The following CHST9 variants were observed in gnomAD, a reference collection of about 807,000 sequenced individuals.
CHST9 encodes the protein carbohydrate sulfotransferase 9.
In CHST9, 41 loss-of-function variants were observed where a neutral mutation model predicts 44.4. The observed-to-expected ratio is 0.92, with a 90% confidence interval of 0.72 to 1.20. CHST9 has a LOEUF of 1.20. Among genes scored for constraint, CHST9 ranks in the 50% most tolerant of loss-of-function variants. The pLI is 0.00. For synonymous variants in CHST9, 171 were observed against 178.4 expected, an observed-to-expected ratio of 0.96 and a Z score of 0.33; for missense variants, 504 against 516.5, an observed-to-expected ratio of 0.98 and a Z score of 0.23.
chr18:27,083,450 T>G (rs1370658013), intron 2 of CHST9, among the ~76,000 whole-genome samples: 2 of 152,184 alleles, frequency 1.3e-5, no homozygotes, highest in African/African-American at 4.8e-5. Context: ...TCTGAACATG[T>G]CTTTTCATAA....
chr18:26,929,519 C>T (rs1019439702), intron 5 of CHST9, among the ~76,000 whole-genome samples: 2 of 152,146 alleles, frequency 1.3e-5, no homozygotes, highest in African/African-American at 4.8e-5. Context: ...CGCTGCTTTC[C>T]CAACTTCAGA....
intron 2 of CHST9, among the ~76,000 whole-genome samples, chr18:27,110,033 G>A (rs1378407212): frequency 6.6e-6 from 1 of 152,094 alleles, no homozygotes; most frequent in Non-Finnish European, 1.5e-5. Flanking sequence ...AAGGCAGATG[G>A]AGAAAGACAG....
intron 1 of CHST9, among the ~76,000 whole-genome samples, chr18:27,164,386 ATAAGT>A (rs1423281243): frequency 2.0e-5 from 3 of 151,720 alleles, no homozygotes; most frequent in East Asian, 1.9e-4. Flanking sequence ...GAGTTGGAAG[ATAAGT>A]TAAGGTGATT....
chr18:27,098,085 A>G (rs2058134971), intron 2 of CHST9, among the ~76,000 whole-genome samples: 1 of 152,086 alleles, frequency 6.6e-6, no homozygotes, highest in South Asian at 2.1e-4. Flanking sequence ...AATATCCAGA[A>G]TCTACATGGA....
At chr18:26,989,690 G>A (rs143702079) in intron 4 of CHST9, among the ~76,000 whole-genome samples, 98 of 152,340 alleles carry the variant, frequency 6.4e-4, no homozygotes, top group African/African-American at 2.1e-3. Context: ...TCGAGGCTGC[G>A]CCTGGTGGCT....
At chr18:26,997,134 A>G (rs1402219287) in intron 4 of CHST9, among the ~76,000 whole-genome samples, 1 of 152,228 alleles carries the variant, frequency 6.6e-6, no homozygotes, top group Non-Finnish European at 1.5e-5. Flanking sequence ...TTAAAAGGGA[A>G]TAACAGCAGA....
chr18:26,909,801 GGGAA>G lies in CHST9; in HGVS notation c.*6454_*6457del, dbSNP rs762435549. On this transcript the variant is annotated 3_prime_UTR_variant, in exon 6 of 6. Coordinates refer to ENST00000618847, the MANE Select transcript of CHST9 (RefSeq NM_031422.6). The stretch of plus-strand genomic sequence containing the variant: ...AGTAGGAGGAGGAGGAGGAAGAGGA[GGGAA>G]GAGGAGGAGGAGGAGGTTGTCAGAG... 350 of 152,812 alleles carry G rather than the reference GGGAA, an allele frequency of 2.3e-3. No homozygotes were observed. The highest frequency in any genetic ancestry group is 6.4e-3 in the South Asian group (31 of 4,842). The allele number at this position is 152,812 out of a possible 1,614,324, so 9.5% of individuals were successfully genotyped here.
At chr18:27,055,778 C>T (rs1055043028) in intron 2 of CHST9, among the ~76,000 whole-genome samples, 1 of 152,124 alleles carries the variant, frequency 6.6e-6, no homozygotes, top group Non-Finnish European at 1.5e-5. Context: ...TTTCTTCCTA[C>T]AGGAAATAGC....
At position 27,031,660 on chromosome 18, in the gene CHST9, G is replaced by A. The variant is rs1568141039; in HGVS notation, c.161-7503C>T. Reference sequence around the variant, plus strand: ...TTTCCTTTCACTGTTACAGGATCCAGTATAACTGCATTAAATACAATCTCT... The same window carrying A: ...TTTCCTTTCACTGTTACAGGATCCAATATAACTGCATTAAATACAATCTCT... On this transcript the variant is annotated intron_variant, in intron 3 of 5. Coordinates refer to ENST00000618847, the MANE Select transcript of CHST9 (RefSeq NM_031422.6). Among the ~76,000 whole-genome samples the A allele has an allele frequency of 2.0e-5, 3 of 152,152 alleles. No individual in the cohort carries two copies. In the East Asian group the frequency reaches 5.8e-4, roughly 29 times the overall value.
chr18:26,978,290 T>C (rs1289184419), intron 4 of CHST9, among the ~76,000 whole-genome samples: 1 of 151,836 alleles, frequency 6.6e-6, no homozygotes, highest in Non-Finnish European at 1.5e-5. Context: ...TGTGTATGTG[T>C]GTGTGTGTGT....
At chr18:27,100,272 A>C (rs968333994) in intron 2 of CHST9, among the ~76,000 whole-genome samples, 12 of 152,098 alleles carry the variant, frequency 7.9e-5, no homozygotes, top group African/African-American at 2.9e-4. Context: ...AGGAGGGAGG[A>C]TGGAGCCAAT....
intron 2 of CHST9, among the ~76,000 whole-genome samples, chr18:27,072,645 C>T (rs1315562686): frequency 1.3e-5 from 2 of 152,046 alleles, no homozygotes; most frequent in Non-Finnish European, 2.9e-5. Flanking sequence ...CTGATGAGAT[C>T]CAGAAAATCA....
chr18:27,153,248 A>G (rs1457344581), intron 1 of CHST9, among the ~76,000 whole-genome samples: 1 of 152,148 alleles, frequency 6.6e-6, no homozygotes, highest in Non-Finnish European at 1.5e-5. Flanking sequence ...ATGACCACTT[A>G]TATTAGTTTC....
chr18:27,126,232 T>C (rs2058422622), intron 2 of CHST9, among the ~76,000 whole-genome samples: 2 of 152,188 alleles, frequency 1.3e-5, no homozygotes, highest in Non-Finnish European at 2.9e-5. Flanking sequence ...AGAGAAGGCA[T>C]ACACCTGTAT....
At chr18:27,084,610 CATT>C (rs559595975) in intron 2 of CHST9, among the ~76,000 whole-genome samples, 117 of 151,920 alleles carry the variant, frequency 7.7e-4, no homozygotes, top group South Asian at 4.4e-3. Flanking sequence ...TTTTTGGTCT[CATT>C]GATCTTTTGT....
At chr18:27,040,841 C>T (rs1464589280) in intron 3 of CHST9, among the ~76,000 whole-genome samples, 1 of 152,042 alleles carries the variant, frequency 6.6e-6, no homozygotes, top group Non-Finnish European at 1.5e-5. Context: ...GAAATAAGCA[C>T]CTCATTTTTT....
intron 2 of CHST9, among the ~76,000 whole-genome samples, chr18:27,103,176 G>A (rs2143756765): frequency 6.6e-6 from 1 of 152,288 alleles, no homozygotes; most frequent in African/African-American, 2.4e-5. Flanking sequence ...GTTAAAATGA[G>A]TAAACTGAGG....
intron 2 of CHST9, among the ~76,000 whole-genome samples, chr18:27,090,514 C>T (rs1200361998): frequency 2.6e-5 from 4 of 152,158 alleles, no homozygotes; most frequent in African/African-American, 9.7e-5. Context: ...GTCATGAAGT[C>T]CTTGCCCATG....
chr18:27,029,673 C>G lies in CHST9; in HGVS notation c.161-5516G>C, dbSNP rs77809570. Reference sequence around the variant, plus strand: ...ATCATCTCTGGAGTATTTATAACACCTAATACAATATAAATGCTATGTTCA... The same window carrying G: ...ATCATCTCTGGAGTATTTATAACACGTAATACAATATAAATGCTATGTTCA... On this transcript the variant is annotated intron_variant, in intron 3 of 5. Transcript: ENST00000618847. Among the ~76,000 whole-genome samples, 244 of 152,228 alleles carry G rather than the reference C, an allele frequency of 1.6e-3. 6 individuals carry two copies. The East Asian group carries it at 0.044, about 27-fold the overall frequency.
Sources: gnomAD v4.1 joint callset for allele counts (sites outside exome capture counted in the v4.1 genomes callset) on GRCh38, gnomAD v4.1.1 for gene constraint, MANE v1.5 for transcripts, NCBI Gene and HGNC (gene_info 2026-07-23, HGNC 2026-07-21) for gene names.